PCMTD1: variants seen among roughly 807,000 people sequenced by gnomAD.
PCMTD1 encodes the protein protein-L-isoaspartate O-methyltransferase domain-containing protein 1.
A neutral mutation model predicts 37.6 loss-of-function variants in PCMTD1; 12 were observed. The ratio of observed to expected loss-of-function variants is 0.32; its 90% confidence interval spans 0.20 to 0.52. The LOEUF (loss-of-function observed/expected upper bound fraction) is 0.52. PCMTD1 is among the 20% of genes least tolerant of loss of function. The pLI is 0.97. For synonymous variants in PCMTD1, 117 were observed against 135.8 expected, an observed-to-expected ratio of 0.86 and a Z score of 0.96; for missense variants, 235 against 421.3, an observed-to-expected ratio of 0.56 and a Z score of 3.87.
At chr8:51,897,808 T>C (rs2039028995) in intron 1 of PCMTD1, among the ~76,000 whole-genome samples, 1 of 152,152 alleles carries the variant, frequency 6.6e-6, no homozygotes, top group Non-Finnish European at 1.5e-5. Context: ...TACATAGTAA[T>C]AATGTTTTTT....
At chr8:51,824,804 A>T (rs181287735) in intron 5 of PCMTD1, among the ~76,000 whole-genome samples, 1 of 152,100 alleles carries the variant, frequency 6.6e-6, no homozygotes, top group Non-Finnish European at 1.5e-5. Context: ...ATACCACAAG[A>T]CTACAGTAAC....
chr8:51,870,962 A>T (rs1410331855), intron 1 of PCMTD1, among the ~76,000 whole-genome samples: 2 of 152,184 alleles, frequency 1.3e-5, no homozygotes, highest in Non-Finnish European at 2.9e-5. Context: ...CAGTTTCTTT[A>T]TCTATAAAAT....
rs183776406 is a variant in PCMTD1 at position 51,839,240 on chromosome 8, T to G, written c.411-5551A>C. ...GTATAATAACCACAAAATCATTCAT[T>G]CTAAGCTTATAATCATTTATTGATT... is the stretch of plus-strand genomic sequence containing the variant. On this transcript the variant is annotated intron_variant, in intron 3 of 5. Coordinates refer to ENST00000522514, the MANE Select transcript of PCMTD1 (RefSeq NM_052937.4). Among the ~76,000 whole-genome samples the G allele has an allele frequency of 4.6e-3, 702 of 152,302 alleles. 3 individuals carry two copies. The highest frequency in any genetic ancestry group is 8.0e-3 in the Non-Finnish European group (545 of 68,028).
intron 1 of PCMTD1, among the ~76,000 whole-genome samples, chr8:51,897,609 G>A (rs980104225): frequency 2.6e-5 from 4 of 152,160 alleles, no homozygotes; most frequent in African/African-American, 9.7e-5. Flanking sequence ...TAAGCAATAC[G>A]TAAACATATT....
chr8:51,887,412 G>C (rs191370861), intron 1 of PCMTD1, among the ~76,000 whole-genome samples: 2 of 152,036 alleles, frequency 1.3e-5, no homozygotes, highest in Non-Finnish European at 2.9e-5. Context: ...GAAACAATAT[G>C]GCAGAAAGGA....
In PCMTD1 at chr8:51,819,928, C is replaced by T. The variant is rs1478359356; in HGVS notation, c.*423G>A. 3 of 153,434 alleles carry T rather than the reference C, an allele frequency of 2.0e-5. No individual in the cohort carries two copies. The highest frequency in any genetic ancestry group is 4.4e-5 in the Non-Finnish European group (3 of 68,744). The allele number at this position is 153,434 out of a possible 1,614,324, so 9.5% of individuals were successfully genotyped here. On this transcript the variant is annotated 3_prime_UTR_variant, in exon 6 of 6. Transcript: ENST00000522514. The stretch of plus-strand genomic sequence containing the variant: ...AAATAGTCTACAAAGCATTTGACTT[C>T]CTTATTAGATAAATGAAGTTTTCAT...
At chr8:51,845,634 A>G (rs1391170948) in intron 3 of PCMTD1, 27 bp downstream of exon 3, 1 of 1,548,258 alleles carries the variant, frequency 6.5e-7, no homozygotes, top group South Asian at 1.1e-5. Flanking sequence ...GTGATTTTAA[A>G]CCAAAACTAT....
At chr8:51,865,939 TAGAACTGCTA>T (rs2129288408) in intron 1 of PCMTD1, among the ~76,000 whole-genome samples, 1 of 151,984 alleles carries the variant, frequency 6.6e-6, no homozygotes, top group East Asian at 1.9e-4. Flanking sequence ...AAAAAACTAT[TAGAACTGCTA>T]AACAAATCAG....
chr8:51,840,684 A>C lies in PCMTD1; in HGVS notation c.410+4977T>G, dbSNP rs1409728641. 4.6e-5 allele frequency among the ~76,000 whole-genome samples: 7 copies of C among 152,190 alleles called. No homozygotes were observed. In the East Asian group the frequency reaches 1.3e-3, roughly 29 times the overall value. On this transcript the variant is annotated intron_variant, in intron 3 of 5. Coordinates refer to ENST00000522514, the MANE Select transcript of PCMTD1 (RefSeq NM_052937.4). ...ATTTTCAAATGCAAATCATATGTGA[A>C]AAATGAACACATAATTTAAAATAAA... is the stretch of plus-strand genomic sequence containing the variant.
At chr8:51,840,222 A>T (rs1049307719) in intron 3 of PCMTD1, among the ~76,000 whole-genome samples, 1 of 152,224 alleles carries the variant, frequency 6.6e-6, no homozygotes, top group Admixed American at 6.5e-5. Flanking sequence ...CAAACAGTTT[A>T]CAGGAAATGT....
At chr8:51,898,863 C>T in intron 1 of PCMTD1, 67 bp downstream of exon 1, 3 of 1,239,712 alleles carry the variant, frequency 2.4e-6, no homozygotes, top group Non-Finnish European at 3.0e-6. Flanking sequence ...CCCAGTCGCC[C>T]GCCCGGCCCT....
chr8:51,839,724 A>G, intron 3 of PCMTD1: 9 of 582,652 alleles, frequency 1.5e-5, no homozygotes, highest in Non-Finnish European at 1.9e-5. Context: ...CACGTGCCAC[A>G]GGATGCTGTT....
chr8:51,853,062 T>C (rs2038331958), intron 2 of PCMTD1, among the ~76,000 whole-genome samples: 1 of 152,190 alleles, frequency 6.6e-6, no homozygotes, highest in African/African-American at 2.4e-5. Context: ...ATCCTTTGCA[T>C]GTGGATGTTA....
At chr8:51,857,514 T>C (rs539518384) in intron 2 of PCMTD1, among the ~76,000 whole-genome samples, 3 of 152,278 alleles carry the variant, frequency 2.0e-5, no homozygotes, top group African/African-American at 7.2e-5. Context: ...TGATACTCCA[T>C]TCAGTTATGG....
chr8:51,882,952 T>C (rs1563361836), intron 1 of PCMTD1, among the ~76,000 whole-genome samples: 1 of 138,692 alleles, frequency 7.2e-6, no homozygotes, highest in East Asian at 2.1e-4. Context: ...ACGGTGAAAC[T>C]CCGTCTTTAC....
At chr8:51,850,900 T>C (rs1191929158) in intron 2 of PCMTD1, among the ~76,000 whole-genome samples, 1 of 152,106 alleles carries the variant, frequency 6.6e-6, no homozygotes, top group Non-Finnish European at 1.5e-5. Flanking sequence ...TCGACAGGAA[T>C]AGGTTTCACT....
chr8:51,865,669 A>T (rs2129288327), intron 1 of PCMTD1, among the ~76,000 whole-genome samples: 1 of 152,218 alleles, frequency 6.6e-6, no homozygotes, highest in African/African-American at 2.4e-5. Flanking sequence ...CACAGAGGGA[A>T]GATACCTCAA....
chr8:51,829,724 C>T (rs11782727), intron 5 of PCMTD1, among the ~76,000 whole-genome samples: 77,046 of 151,848 alleles, frequency 0.51, 23,634 homozygotes, highest in Non-Finnish European at 0.67. Context: ...GAGCCGAGAT[C>T]GTGCCACTGC....
intron 1 of PCMTD1, among the ~76,000 whole-genome samples, chr8:51,874,054 C>T (rs1029840624): frequency 6.6e-6 from 1 of 151,906 alleles, no homozygotes; most frequent in Non-Finnish European, 1.5e-5. Context: ...CACGCACCAC[C>T]ACGCCTGGCT....
Sources: allele counts gnomAD v4.1 joint callset (sites outside exome capture counted in the v4.1 genomes callset), GRCh38; gene constraint gnomAD v4.1.1; transcripts MANE v1.5; gene names NCBI Gene and HGNC (gene_info 2026-07-23, HGNC 2026-07-21).